Variants in RNF175 observed in about 807,000 individuals in gnomAD.
RNF175 encodes the protein ring finger protein 175.
Under a neutral mutation model 50.0 loss-of-function variants are expected in RNF175, and 38 were observed. The ratio of observed to expected loss-of-function variants is 0.76; its 90% CI spans 0.59 to 1.00. RNF175 has a LOEUF of 1.00. RNF175 is among the 50% of genes least tolerant of loss of function. RNF175 has a pLI of 0.00. For synonymous variants in RNF175, 155 were observed against 146.1 expected (o/e 1.06, Z -0.44); for missense variants, 388 against 409.6 (o/e 0.95, Z 0.46).
chr4:153,753,430 C>G (rs1374671538), intron 1 of RNF175, among the ~76,000 whole-genome samples: 1 of 152,192 alleles, frequency 6.6e-6, no homozygotes, highest in Non-Finnish European at 1.5e-5. Context: ...AGCCCTAGCA[C>G]CATCCTCCCT....
At chr4:153,712,771 C>A (rs1737677524) in intron 7 of RNF175, among the ~76,000 whole-genome samples, 195 bp from the exon 8 acceptor site, 1 of 152,090 alleles carries the variant, frequency 6.6e-6, no homozygotes, top group Non-Finnish European at 1.5e-5. Flanking sequence ...CGCTTTATGA[C>A]CCTGAGGAAT....
chr4:153,757,006 A>G (rs1190165052), intron 1 of RNF175, among the ~76,000 whole-genome samples: 2 of 151,996 alleles, frequency 1.3e-5, no homozygotes, highest in African/African-American at 4.8e-5. Context: ...GAAATCCAAC[A>G]TGGCTCACAA....
chr4:153,728,383 A>G, intron 3 of RNF175, 22 bp from the exon 4 acceptor site: 2 of 1,610,608 alleles, frequency 1.2e-6, no homozygotes, highest in East Asian at 2.2e-5. Flanking sequence ...ATGAACAGGA[A>G]GTATCTTTCA....
Position 153,738,336 on chromosome 4 carries a change from G to A in RNF175, c.247-9975C>T, listed in dbSNP as rs1054266546. Among the ~76,000 whole-genome samples, 16 of 149,948 alleles carry A rather than the reference G, an allele frequency of 1.1e-4. 1 individual carries two copies. The South Asian group carries it at 2.9e-3, about 28-fold the overall frequency. The stretch of plus-strand genomic sequence containing the variant: ...GTAGCTGGAACTACAGGTGCCTGCC[G>A]CTACATCTGGCTAATTTTTTTTTTT... On this transcript the variant is annotated intron_variant, in intron 3 of 8. Coordinates refer to ENST00000347063, the MANE Select transcript of RNF175 (RefSeq NM_173662.4).
At chr4:153,728,419 C>T (rs1192263650) in intron 3 of RNF175, 58 bp from the exon 4 acceptor site, 1 of 1,439,908 alleles carries the variant, frequency 6.9e-7, no homozygotes. Flanking sequence ...AATGGCATCT[C>T]CACTATTAAA....
chr4:153,716,249 A>C (rs549866119), intron 6 of RNF175, among the ~76,000 whole-genome samples: 1 of 152,286 alleles, frequency 6.6e-6, no homozygotes, highest in East Asian at 1.9e-4. Context: ...CACATTGAGG[A>C]ATCCTTTCAC....
intron 3 of RNF175, among the ~76,000 whole-genome samples, chr4:153,729,338 G>C (rs533969515): frequency 1.3e-5 from 2 of 152,334 alleles, no homozygotes; most frequent in South Asian, 4.1e-4. Context: ...CCTGGATCCT[G>C]GTTCAGTGGT....
At chr4:153,754,012 T>C (rs1449509512) in intron 1 of RNF175, among the ~76,000 whole-genome samples, 13 of 151,102 alleles carry the variant, frequency 8.6e-5, no homozygotes, top group Non-Finnish European at 1.6e-4. Flanking sequence ...CTACTAAAAA[T>C]ACAAAAAATT....
At chr4:153,756,836 G>C (rs1740590128) in intron 1 of RNF175, among the ~76,000 whole-genome samples, 1 of 152,220 alleles carries the variant, frequency 6.6e-6, no homozygotes, top group African/African-American at 2.4e-5. Context: ...CAGAGGGCAA[G>C]GGCTGTCACT....
chr4:153,757,236 G>C (rs1728188659), intron 1 of RNF175, among the ~76,000 whole-genome samples: 1 of 152,186 alleles, frequency 6.6e-6, no homozygotes, highest in Non-Finnish European at 1.5e-5. Context: ...ATTGTTACCA[G>C]ACTGCATTGT....
rs145820112 is a variant in RNF175 at position 153,748,841 on chromosome 4, C to CAAAAA, written c.105-60_105-56dup. On this transcript the variant is annotated intron_variant, in intron 2 of 8. Transcript: ENST00000347063. ...AAAGCCCTCAACCTTGCGCATTTAG[C>CAAAAA]AAAAAAAACAAAAAACAAAAAACAA... is the stretch of plus-strand genomic sequence containing the variant. The CAAAAA allele has an allele frequency of 7.3e-3, 10,222 of 1,401,476 alleles. 8 individuals carry two copies. Among genetic ancestry groups the CAAAAA allele is most frequent in the Non-Finnish European group, 8.5e-3 (8,908 of 1,048,920 alleles). 86.8% of individuals were successfully genotyped at this position (1,401,476 alleles called of 1,614,324 possible). A position where few individuals can be genotyped will look rare whatever the true frequency, so the allele number is the denominator to read the frequency against.
chr4:153,757,919 C>A (rs556513271), intron 1 of RNF175, among the ~76,000 whole-genome samples: 2 of 152,012 alleles, frequency 1.3e-5, no homozygotes, highest in African/African-American at 4.8e-5. Flanking sequence ...TAAGATTGTA[C>A]GTTACTGTTC....
chr4:153,736,431 G>C (rs562607154), intron 3 of RNF175, among the ~76,000 whole-genome samples: 2 of 152,128 alleles, frequency 1.3e-5, no homozygotes, highest in South Asian at 4.2e-4. Context: ...TCCTTTCCTT[G>C]TAATGTCTTC....
chr4:153,718,222 G>GTTTTTTTTTT (rs1460898288), intron 6 of RNF175, among the ~76,000 whole-genome samples: 1,151 of 37,334 alleles, frequency 0.031, 327 homozygotes, highest in Middle Eastern at 0.053. Context: ...TTTTTTGTTT[G>GTTTTTTTTTT]TTTGTTTGTT....
chr4:153,741,171 GT>G (rs150800922), intron 3 of RNF175, among the ~76,000 whole-genome samples: 5,774 of 152,192 alleles, frequency 0.038, 302 homozygotes, highest in East Asian at 0.23. Context: ...CAACTATTTT[GT>G]TTCCCCTTAG....
At position 153,710,462 on chromosome 4, in the gene RNF175, T is replaced by A; in HGVS notation, c.894A>T (p.Gly298=). 1 of 1,607,146 alleles carries A rather than the reference T, an allele frequency of 6.2e-7. No homozygotes were observed. Among genetic ancestry groups the A allele is most frequent in the Non-Finnish European group, 8.5e-7 (1 of 1,176,690 alleles). ...NPWERTHFLY[G]QILDWLRYLV... ...AATAACGAAGCCAATCCAGGATTTGTCCATACAGAAAATGTGTGCGCTCCC... is the reference window on the plus strand; with the variant it reads ...AATAACGAAGCCAATCCAGGATTTGACCATACAGAAAATGTGTGCGCTCCC... Residue 298 remains glycine, a synonymous_variant, in exon 9 of 9, where the codon GGA becomes GGT. Transcript: ENST00000347063.
At chr4:153,715,103 G>T (rs1445159607) in intron 7 of RNF175, 2 of 232,072 alleles carry the variant, frequency 8.6e-6, no homozygotes, top group East Asian at 1.0e-4. Context: ...TGTATTTCTT[G>T]ATCTGCTAAG....
At chr4:153,742,619 C>A (rs1261614688) in intron 3 of RNF175, among the ~76,000 whole-genome samples, 1 of 152,122 alleles carries the variant, frequency 6.6e-6, no homozygotes, top group Non-Finnish European at 1.5e-5. Flanking sequence ...GAGCAAATAA[C>A]TAGTGAGGTT....
chr4:153,718,218 G>GTTTTTTT (rs1560770428), intron 6 of RNF175, among the ~76,000 whole-genome samples: 13 of 28,690 alleles, frequency 4.5e-4, no homozygotes, highest in Non-Finnish European at 6.2e-4. Context: ...AGTTTTTTTT[G>GTTTTTTT]TTTGTTTGTT....
Sources: allele counts gnomAD v4.1 joint callset (sites outside exome capture counted in the v4.1 genomes callset), GRCh38; gene constraint gnomAD v4.1.1; transcripts MANE v1.5; gene names NCBI Gene and HGNC (gene_info 2026-07-23, HGNC 2026-07-21).